Variants in RBFOX1 observed in about 807,000 individuals in gnomAD.
RBFOX1 encodes RNA binding protein fox-1 homolog 1.
In RBFOX1, 8 loss-of-function variants were observed where a neutral mutation model predicts 57.7. That is an observed-to-expected ratio of 0.14 (90% CI 0.08 to 0.25). The LOEUF (loss-of-function observed/expected upper bound fraction) is 0.25, where lower values mean the gene tolerates loss of function less well. RBFOX1 is among the 10% of genes least tolerant of loss of function. The pLI, the probability that RBFOX1 is intolerant of heterozygous loss-of-function variation, is 1.00. For missense variants in RBFOX1, 611 were observed against 548.5 expected, an observed-to-expected ratio of 1.11 and a Z score of -1.14; for synonymous variants, 326 against 222.4, an observed-to-expected ratio of 1.47 and a Z score of -4.15.
At chr16:5,351,225 A>G (rs1226813006) in intron 1 of RBFOX1, among the ~76,000 whole-genome samples, 1 of 152,186 alleles carries the variant, frequency 6.6e-6, no homozygotes, top group Non-Finnish European at 1.5e-5. Flanking sequence ...ACACTGCCTG[A>G]AGCACTTTGC....
At chr16:6,038,240 G>A (rs1233638707) in intron 1 of RBFOX1, 1 of 148,956 alleles carries the variant, frequency 6.7e-6, no homozygotes, top group Admixed American at 6.7e-5. Flanking sequence ...GGAGTGCAGT[G>A]GTGCAATCTT....
At chr16:7,393,874 C>T (rs1478674166) in intron 4 of RBFOX1, among the ~76,000 whole-genome samples, 1 of 152,088 alleles carries the variant, frequency 6.6e-6, no homozygotes, top group African/African-American at 2.4e-5. Context: ...CAGTTAGCTG[C>T]AAACACCCAC....
chr16:6,020,292 G>A (rs866025845), intron 1 of RBFOX1, among the ~76,000 whole-genome samples: 1 of 152,046 alleles, frequency 6.6e-6, no homozygotes, highest in Non-Finnish European at 1.5e-5. Context: ...TCCTGGGAGC[G>A]AGTCCTAGGT....
chr16:6,471,495 T>C (rs755784631), intron 2 of RBFOX1, among the ~76,000 whole-genome samples: 1 of 151,936 alleles, frequency 6.6e-6, no homozygotes, highest in African/African-American at 2.4e-5. Context: ...TGGGCATTCA[T>C]GTAAGTAATG....
intron 1 of RBFOX1, among the ~76,000 whole-genome samples, chr16:6,201,697 G>A (rs555526952): frequency 7.2e-5 from 11 of 152,070 alleles, no homozygotes; most frequent in Non-Finnish European, 1.6e-4. Flanking sequence ...CAAAGAAATG[G>A]TAAACGCTTG....
intron 3 of RBFOX1, among the ~76,000 whole-genome samples, chr16:6,946,638 A>G (rs542898244): frequency 6.6e-6 from 1 of 151,380 alleles, no homozygotes; most frequent in Non-Finnish European, 1.5e-5. Flanking sequence ...GGTCTGGTTC[A>G]GTCACCCAGG....
At chr16:7,416,953 C>T (rs1241043950) in intron 4 of RBFOX1, among the ~76,000 whole-genome samples, 1 of 152,096 alleles carries the variant, frequency 6.6e-6, no homozygotes, top group Non-Finnish European at 1.5e-5. Context: ...GTAATGTGTC[C>T]AAGAACTCAT....
intron 2 of RBFOX1, among the ~76,000 whole-genome samples, chr16:6,579,805 C>G (rs371679604): frequency 2.6e-5 from 4 of 152,142 alleles, no homozygotes; most frequent in Admixed American, 1.3e-4. Flanking sequence ...AGGGTGGTCT[C>G]AAACTCCTGG....
chr16:7,689,341 T>C (rs1382881874), intron 14 of RBFOX1, among the ~76,000 whole-genome samples: 1 of 152,114 alleles, frequency 6.6e-6, no homozygotes, highest in East Asian at 1.9e-4. Flanking sequence ...ACAGGTGAGC[T>C]TTGAAGTGAA....
chr16:7,384,543 G>C (rs138562190), intron 4 of RBFOX1, among the ~76,000 whole-genome samples: 32 of 152,298 alleles, frequency 2.1e-4, no homozygotes, highest in African/African-American at 7.7e-4. Flanking sequence ...ATCTTGGGCA[G>C]TATCATTTAT....
intron 2 of RBFOX1, among the ~76,000 whole-genome samples, chr16:6,583,133 CAG>C: frequency 6.6e-6 from 1 of 152,278 alleles, no homozygotes; most frequent in East Asian, 1.9e-4. Flanking sequence ...ATTCTCCACT[CAG>C]AAAGCCAGCT....
At chr16:6,344,225 A>G (rs1293447783) in intron 2 of RBFOX1, among the ~76,000 whole-genome samples, 1 of 151,650 alleles carries the variant, frequency 6.6e-6, no homozygotes, top group Non-Finnish European at 1.5e-5. Context: ...TAATTTTTAT[A>G]TTTTTAGTAG....
chr16:7,122,157 G>C (rs769477561), intron 4 of RBFOX1, among the ~76,000 whole-genome samples: 3 of 151,982 alleles, frequency 2.0e-5, no homozygotes, highest in Non-Finnish European at 4.4e-5. Flanking sequence ...GGTTTAATTT[G>C]ACTTAACAAA....
Position 6,779,929 on chromosome 16 carries a change from A to ATATATATT in RBFOX1, c.-16+125287_-16+125294dup, listed in dbSNP as rs2080254125. On this transcript the variant is annotated intron_variant, in intron 3 of 15. Transcript: ENST00000550418. The stretch of plus-strand genomic sequence containing the variant: ...TATATTTATATATTTATATATATTT[A>ATATATATT]TATATATTTATATATATTTATATAT... Among the ~76,000 whole-genome samples, 5 of 14,206 alleles carry ATATATATT rather than the reference A, an allele frequency of 3.5e-4. 1 individual carries two copies. The highest frequency in any genetic ancestry group is 5.3e-4 in the African/African-American group (2 of 3,790). The allele number at this position is 14,206 out of a possible 152,430, so 9.3% of individuals were successfully genotyped here.
chr16:7,660,255 C>G (rs1212017807), intron 12 of RBFOX1, among the ~76,000 whole-genome samples: 1 of 152,206 alleles, frequency 6.6e-6, no homozygotes, highest in South Asian at 2.1e-4. Context: ...TGTGCATTTG[C>G]ATTATGTCCT....
At chr16:6,553,841 C>T (rs143766449) in intron 2 of RBFOX1, among the ~76,000 whole-genome samples, 79 of 152,228 alleles carry the variant, frequency 5.2e-4, no homozygotes, top group African/African-American at 1.7e-3. Flanking sequence ...TGCCAAATCT[C>T]ATCATGAATT....
intron 2 of RBFOX1, among the ~76,000 whole-genome samples, chr16:6,579,918 A>T (rs908263491): frequency 6.6e-6 from 1 of 151,786 alleles, no homozygotes; most frequent in African/African-American, 2.4e-5. Context: ...TACATATTCT[A>T]TGTATAGGTT....
At chr16:6,996,631 G>C (rs1011325275) in intron 3 of RBFOX1, among the ~76,000 whole-genome samples, 1 of 152,172 alleles carries the variant, frequency 6.6e-6, no homozygotes, top group Admixed American at 6.5e-5. Context: ...AATGGGGACA[G>C]TGACGCACAA....
intron 2 of RBFOX1, among the ~76,000 whole-genome samples, chr16:6,439,900 T>A (rs563251582): frequency 2.0e-5 from 3 of 151,944 alleles, no homozygotes; most frequent in South Asian, 2.1e-4. Flanking sequence ...AAAATTTCAA[T>A]GAAAATGCAA....
Sources: allele counts gnomAD v4.1 joint callset (sites outside exome capture counted in the v4.1 genomes callset), GRCh38; gene constraint gnomAD v4.1.1; transcripts MANE v1.5; gene names NCBI Gene and HGNC (gene_info 2026-07-23, HGNC 2026-07-21).